The following UQCRH variants were observed in gnomAD, a reference collection of about 807,000 sequenced individuals.
UQCRH encodes the protein ubiquinol-cytochrome c reductase hinge protein, also known as cytochrome b-c1 complex subunit 6, mitochondrial.
Under a neutral mutation model 16.3 loss-of-function variants are expected in UQCRH, and 14 were observed. The observed-to-expected ratio is 0.86, with a 90% CI of 0.57 to 1.34. The LOEUF is 1.34. UQCRH is among the 40% of genes most tolerant of loss of function. UQCRH has a pLI of 0.00. For missense variants in UQCRH, 89 were observed against 111.9 expected, an observed-to-expected ratio of 0.80 and a Z score of 0.92; for synonymous variants, 41 against 41.9, an observed-to-expected ratio of 0.98 and a Z score of 0.08.
rs1661483597 is a variant in UQCRH at position 46,311,814 on chromosome 1, G to A, written c.243+1498G>A. Among the ~76,000 whole-genome samples, 2 of 151,434 alleles carry A rather than the reference G, an allele frequency of 1.3e-5. 1 individual carries two copies. The highest frequency in any genetic ancestry group is 4.2e-4 in the South Asian group (2 of 4,808). On this transcript the variant is annotated intron_variant, in intron 3 of 3. Coordinates refer to ENST00000311672, the MANE Select transcript of UQCRH (RefSeq NM_006004.4). ...TTTTTGTTTTTTTGTATTTTTAGTA[G>A]AGACGGGGTTTCACTGTGTTAGCCA...
rs371918988 is a variant in UQCRH at position 46,307,130 on chromosome 1, T to C, written c.55-1971T>C. On this transcript the variant is annotated intron_variant, in intron 1 of 3. Coordinates refer to ENST00000311672, the MANE Select transcript of UQCRH (RefSeq NM_006004.4). ...GTAGGATCTTGGCTCCTGCAACCTC[T>C]GCCTCCTGGTTTCAGGTGATTCTCC... 1.0e-3 allele frequency among the ~76,000 whole-genome samples: 159 copies of C among 152,262 alleles called. 2 individuals carry two copies. In the South Asian group the frequency reaches 0.016, roughly 16 times the overall value.
chr1:46,303,747 A>G lies in UQCRH; in HGVS notation c.-20A>G, dbSNP rs764555192. 2 of 1,614,116 alleles carry G rather than the reference A, an allele frequency of 1.2e-6. No individual in the cohort carries two copies. The highest frequency in any genetic ancestry group is 4.5e-5 in the East Asian group (2 of 44,878). ...GTGCCGCTGTTGCTGCTCGTGTTGA[A>G]TCTAGAACCGTAGCCAGACATGGGA... On this transcript the variant is annotated 5_prime_UTR_variant, in exon 1 of 4. Transcript: ENST00000311672.
intron 1 of UQCRH, among the ~76,000 whole-genome samples, chr1:46,306,661 T>C (rs1264591002): frequency 6.6e-6 from 1 of 152,164 alleles, no homozygotes. Flanking sequence ...CATGAGCCAC[T>C]GCACCCGGCT....
intron 2 of UQCRH, 38 bp downstream of exon 2, chr1:46,309,165 A>T: frequency 6.2e-7 from 1 of 1,604,670 alleles, no homozygotes; most frequent in Non-Finnish European, 8.5e-7. Flanking sequence ...TCTCAGTAAA[A>T]GCAGGGTTTG....
chr1:46,312,811 G>A (rs1044820901), intron 3 of UQCRH, among the ~76,000 whole-genome samples: 5 of 152,050 alleles, frequency 3.3e-5, no homozygotes, highest in African/African-American at 1.2e-4. Flanking sequence ...TGATGTGGTT[G>A]CTTCTATTAA....
chr1:46,306,687 A>G (rs1661383134), intron 1 of UQCRH, among the ~76,000 whole-genome samples: 1 of 152,112 alleles, frequency 6.6e-6, no homozygotes, highest in Non-Finnish European at 1.5e-5. Context: ...TATGTTTTTT[A>G]AAAGAGCAGC....
At chr1:46,309,418 A>T in intron 2 of UQCRH, 1 of 368,356 alleles carries the variant, frequency 2.7e-6, no homozygotes, top group Non-Finnish European at 4.9e-6. Context: ...TGGGCTAGGC[A>T]TGGTGGCTCG....
rs1661584035 is a variant in UQCRH at position 46,316,430 on chromosome 1, T to C, written c.244-122T>C. ...GAGTTCACTAGGACTCAAGTGCTGC[T>C]TGCCTATGTGAGAAGGGGAGTGGTG... On this transcript the variant is annotated intron_variant, in intron 3 of 3. Transcript: ENST00000311672. The C allele has an allele frequency of 1.1e-5, 14 of 1,312,756 alleles. No homozygotes were observed. In the South Asian group the frequency reaches 1.7e-4, roughly 16 times the overall value. The allele number at this position is 1,312,756 out of a possible 1,614,324, so 81.3% of individuals were successfully genotyped here.
chr1:46,307,288 G>C (rs2148333275), intron 1 of UQCRH, among the ~76,000 whole-genome samples: 1 of 152,136 alleles, frequency 6.6e-6, no homozygotes, highest in East Asian at 1.9e-4. Flanking sequence ...CAGGTGATCT[G>C]GCCACCTCAG....
intron 3 of UQCRH, among the ~76,000 whole-genome samples, chr1:46,313,688 T>A (rs982467063): frequency 7.0e-6 from 1 of 143,334 alleles, no homozygotes; most frequent in Non-Finnish European, 1.5e-5. Context: ...TAGATAGATA[T>A]AGATAACCAG....
At chr1:46,315,141 A>C (rs1247221776) in intron 3 of UQCRH, among the ~76,000 whole-genome samples, 1 of 152,118 alleles carries the variant, frequency 6.6e-6, no homozygotes, top group Non-Finnish European at 1.5e-5. Context: ...TCTCTACTAA[A>C]ATAAAAAATT....
intron 3 of UQCRH, among the ~76,000 whole-genome samples, chr1:46,311,190 A>G (rs548808605): frequency 1.1e-4 from 16 of 152,206 alleles, no homozygotes; most frequent in African/African-American, 2.2e-4. Flanking sequence ...AGAAAAAAAC[A>G]TAAACATCCC....
chr1:46,309,990 C>T, intron 2 of UQCRH, 165 bp from the exon 3 acceptor site: 3 of 1,483,764 alleles, frequency 2.0e-6, no homozygotes, highest in Non-Finnish European at 2.7e-6. Flanking sequence ...GAATGGGAGA[C>T]CGCATTCTGC....
intron 2 of UQCRH, chr1:46,309,494 A>C: frequency 4.5e-6 from 1 of 220,520 alleles, no homozygotes; most frequent in Non-Finnish European, 8.9e-6. Context: ...AACGTAGAGA[A>C]ACCCCATCTC....
intron 3 of UQCRH, 131 bp downstream of exon 3, chr1:46,310,447 T>C: frequency 7.4e-7 from 1 of 1,344,294 alleles, no homozygotes; most frequent in Non-Finnish European, 1.0e-6. Flanking sequence ...TATGGTGCGC[T>C]GAGCATTTTA....
At chr1:46,305,212 A>G (rs1190561051) in intron 1 of UQCRH, among the ~76,000 whole-genome samples, 2 of 141,558 alleles carry the variant, frequency 1.4e-5, no homozygotes, top group African/African-American at 5.2e-5. Flanking sequence ...ACTGCTCGGG[A>G]GTTTGAGCCC....
intron 3 of UQCRH, among the ~76,000 whole-genome samples, chr1:46,312,787 A>G (rs1202261553): frequency 6.6e-6 from 1 of 152,092 alleles, no homozygotes; most frequent in Non-Finnish European, 1.5e-5. Flanking sequence ...CATAAATTAT[A>G]CATAAGCAAA....
chr1:46,315,305 G>A (rs1030820781), intron 3 of UQCRH, among the ~76,000 whole-genome samples: 5 of 152,156 alleles, frequency 3.3e-5, no homozygotes, highest in Non-Finnish European at 7.3e-5. Context: ...TTAGCCGGGC[G>A]TGGTGGCACA....
chr1:46,309,834 G>GT, intron 2 of UQCRH: 1 of 1,287,760 alleles, frequency 7.8e-7, no homozygotes, highest in Non-Finnish European at 9.9e-7. Context: ...GTGTTAACAA[G>GT]TAAGGCCTCC....
Sources: gnomAD v4.1 joint callset for allele counts (sites outside exome capture counted in the v4.1 genomes callset) on GRCh38, gnomAD v4.1.1 for gene constraint, MANE v1.5 for transcripts, NCBI Gene and HGNC (gene_info 2026-07-23, HGNC 2026-07-21) for gene names.